Variants in ADCY2 observed in about 807,000 individuals in gnomAD.
ADCY2 encodes adenylate cyclase 2.
ADCY2 carries 31 observed loss-of-function variants against 125.2 expected under a neutral mutation model. The observed-to-expected ratio is 0.25, with a 90% CI of 0.19 to 0.33. ADCY2 has a LOEUF of 0.33. Ranked by LOEUF, ADCY2 falls within the 10% of genes least tolerant of loss-of-function variation. The pLI is 1.00. For synonymous variants in ADCY2, 512 were observed against 548.4 expected, an observed-to-expected ratio of 0.93 and a Z score of 0.93; for missense variants, 904 against 1,418.2, an observed-to-expected ratio of 0.64 and a Z score of 5.82.
At chr5:7,812,102 A>ATACACC (rs1363233695) in intron 22 of ADCY2, among the ~76,000 whole-genome samples, 2 of 152,202 alleles carry the variant, frequency 1.3e-5, no homozygotes. Context: ...GCTAGGAGTC[A>ATACACC]TACAGAGACC....
At chr5:7,710,913 T>G (rs1160546019) in intron 10 of ADCY2, among the ~76,000 whole-genome samples, 2 of 152,160 alleles carry the variant, frequency 1.3e-5, no homozygotes, top group Admixed American at 1.3e-4. Context: ...TGGATATGCA[T>G]GAACATTAGG....
chr5:7,635,693 C>T (rs1206059031), intron 4 of ADCY2, among the ~76,000 whole-genome samples: 2 of 152,036 alleles, frequency 1.3e-5, no homozygotes, highest in African/African-American at 2.4e-5. Context: ...TGAGATGCCC[C>T]AAGGAGAGAG....
At chr5:7,553,183 T>C (rs1433893056) in intron 3 of ADCY2, among the ~76,000 whole-genome samples, 1 of 152,224 alleles carries the variant, frequency 6.6e-6, no homozygotes, top group Non-Finnish European at 1.5e-5. Flanking sequence ...ACGATCTCTG[T>C]ACTCATTAGG....
Position 7,816,975 on chromosome 5 carries a change from G to A in ADCY2, c.2993G>A (p.Arg998Gln), listed in dbSNP as rs138470575. The part of the protein sequence containing the change: ...NKHSFNDFKL[R>Q]VGINHGPVIA... ...CACTCCTTCAACGACTTCAAATTGC[G>A]AGTGGGTACGTTCTGCAAAAGAGGT... Residue 998 changes from arginine (R) to glutamine (Q), a missense_variant, in exon 23 of 25, where the codon CGA (arginine) becomes CAA (glutamine). Physicochemically the swap from Arg to Gln is conservative, Grantham distance 43 (BLOSUM62 1). Transcript: ENST00000338316. 14 of 1,613,658 alleles carry A rather than the reference G, an allele frequency of 8.7e-6. No homozygotes were observed. The highest frequency in any genetic ancestry group is 3.3e-5 in the South Asian group (3 of 91,056).
At chr5:7,439,204 A>T (rs1183285215) in intron 2 of ADCY2, among the ~76,000 whole-genome samples, 1 of 152,202 alleles carries the variant, frequency 6.6e-6, no homozygotes, top group Admixed American at 6.5e-5. Flanking sequence ...TAATAAAGAC[A>T]TACCCACTAC....
chr5:7,657,981 G>T lies in ADCY2; in HGVS notation c.720+31665G>T, dbSNP rs115256113. On this transcript the variant is annotated intron_variant, in intron 4 of 24. Transcript: ENST00000338316. ...GGACCATTCATTGGAAATGAGTGTC[G>T]CAGACCCAGACCCCCAGGTGCAGTG... 11 of 152,378 alleles carry T rather than the reference G, an allele frequency of 7.2e-5. 1 individual carries two copies. The East Asian group carries it at 1.5e-3, about 21-fold the overall frequency. 9.4% of individuals were successfully genotyped at this position (152,378 alleles called of 1,614,324 possible).
chr5:7,411,802 G>A (rs1028786550), intron 1 of ADCY2, among the ~76,000 whole-genome samples: 2 of 152,002 alleles, frequency 1.3e-5, no homozygotes, highest in Non-Finnish European at 2.9e-5. Context: ...ACGGCCGGGC[G>A]CGGTGGCTCA....
At chr5:7,487,818 T>C (rs1274753851) in intron 2 of ADCY2, among the ~76,000 whole-genome samples, 1 of 152,202 alleles carries the variant, frequency 6.6e-6, no homozygotes, top group Non-Finnish European at 1.5e-5. Flanking sequence ...TTTTGAGTCA[T>C]CATCTAAATT....
intron 8 of ADCY2, 135 bp downstream of exon 8, chr5:7,707,037 A>C: frequency 1.9e-6 from 2 of 1,074,868 alleles, no homozygotes; most frequent in Non-Finnish European, 1.3e-6. Context: ...CTCACGCCCA[A>C]CGGCCTCTTA....
intron 3 of ADCY2, among the ~76,000 whole-genome samples, chr5:7,589,116 C>T (rs1402357518): frequency 1.3e-5 from 2 of 152,024 alleles, no homozygotes; most frequent in Non-Finnish European, 2.9e-5. Context: ...CTGTAATGGT[C>T]CTTAATAGCC....
intron 3 of ADCY2, among the ~76,000 whole-genome samples, chr5:7,568,734 C>G (rs527401149): frequency 6.6e-6 from 1 of 152,338 alleles, no homozygotes; most frequent in East Asian, 1.9e-4. Flanking sequence ...CCTCTCCTCA[C>G]AGCACAGTGC....
intron 2 of ADCY2, among the ~76,000 whole-genome samples, chr5:7,428,169 G>A (rs1277652493): frequency 6.6e-6 from 1 of 152,190 alleles, no homozygotes; most frequent in African/African-American, 2.4e-5. Context: ...GCAGGTTGAT[G>A]GAGATCTGAG....
intron 2 of ADCY2, among the ~76,000 whole-genome samples, chr5:7,501,789 G>A (rs1055663744): frequency 1.3e-5 from 2 of 151,794 alleles, no homozygotes; most frequent in African/African-American, 4.8e-5. Context: ...GAAGTCCAAG[G>A]GGCGTCCACC....
chr5:7,694,541 G>A (rs183412800), intron 5 of ADCY2, among the ~76,000 whole-genome samples: 6 of 152,288 alleles, frequency 3.9e-5, no homozygotes, highest in Admixed American at 3.3e-4. Flanking sequence ...TACAGTATTT[G>A]CTCTTTGTAC....
At chr5:7,554,314 C>T (rs1233993639) in intron 3 of ADCY2, among the ~76,000 whole-genome samples, 5 of 152,132 alleles carry the variant, frequency 3.3e-5, no homozygotes. Flanking sequence ...GCACTTTTGT[C>T]CCACATGAGA....
intron 3 of ADCY2, among the ~76,000 whole-genome samples, chr5:7,588,770 G>A (rs538689932): frequency 1.3e-5 from 2 of 152,286 alleles, no homozygotes; most frequent in South Asian, 2.1e-4. Context: ...ATTTAAAAAT[G>A]TAAAAATCAT....
chr5:7,820,829 C>T (rs765221542), intron 24 of ADCY2, 140 bp downstream of exon 24: 352 of 1,177,746 alleles, frequency 3.0e-4, no homozygotes, highest in Non-Finnish European at 3.8e-4. Context: ...TTTTGGAGAA[C>T]AATTTTTGGG....
intron 7 of ADCY2, among the ~76,000 whole-genome samples, chr5:7,705,095 C>T (rs1029687350): frequency 2.0e-5 from 3 of 152,160 alleles, no homozygotes; most frequent in Non-Finnish European, 4.4e-5. Context: ...AGAAACGCCA[C>T]GTGGTTGGAA....
chr5:7,565,473 AAG>A (rs1735860836), intron 3 of ADCY2, among the ~76,000 whole-genome samples: 1 of 152,200 alleles, frequency 6.6e-6, no homozygotes, highest in Admixed American at 6.5e-5. Flanking sequence ...GGAAGAAATG[AAG>A]CCTCGGTAAA....
Sources: gnomAD v4.1 joint callset for allele counts (sites outside exome capture counted in the v4.1 genomes callset) on GRCh38, gnomAD v4.1.1 for gene constraint, MANE v1.5 for transcripts, NCBI Gene and HGNC (gene_info 2026-07-23, HGNC 2026-07-21) for gene names.